ABCC9: variants seen among roughly 807,000 people sequenced by gnomAD.
ABCC9 encodes ATP-binding cassette sub-family C member 9.
Under a neutral mutation model 188.3 loss-of-function variants are expected in ABCC9, and 95 were observed. The observed-to-expected ratio is 0.50, with a 90% confidence interval of 0.43 to 0.60. The LOEUF is 0.60. Among genes scored for constraint, ABCC9 ranks in the 20% least tolerant of loss-of-function variants. ABCC9 has a pLI of 0.00. For synonymous variants in ABCC9, 659 were observed against 652.7 expected, an observed-to-expected ratio of 1.01 and a Z score of -0.15; for missense variants, 1,102 against 1,876.3, an observed-to-expected ratio of 0.59 and a Z score of 7.62.
chr12:21,856,143 A>G (rs1454199134), intron 22 of ABCC9, among the ~76,000 whole-genome samples: 1 of 152,202 alleles, frequency 6.6e-6, no homozygotes, highest in Non-Finnish European at 1.5e-5. Context: ...CCATAGCTTC[A>G]TGGTGGGGAT....
At chr12:21,805,376 A>G in intron 39 of ABCC9, 1 of 1,529,776 alleles carries the variant, frequency 6.5e-7, no homozygotes. Flanking sequence ...ACTCATTAAA[A>G]AATAGTTTTT....
rs574131342 is a variant in ABCC9 at position 21,873,887 on chromosome 12, A to T, written c.2093-1157T>A. 5.5e-4 allele frequency among the ~76,000 whole-genome samples: 84 copies of T among 152,272 alleles called. 1 individual carries two copies. The highest frequency in any genetic ancestry group is 1.5e-3 in the African/African-American group (63 of 41,578). ...TCAACTCAAAATGGATTAAAAACTTAAATGTCAGACCTGAAACTATAAAAA... is the reference window on the plus strand; with the variant it reads ...TCAACTCAAAATGGATTAAAAACTTTAATGTCAGACCTGAAACTATAAAAA... On this transcript the variant is annotated intron_variant, in intron 17 of 39. Coordinates refer to ENST00000261200, the MANE Select transcript of ABCC9 (RefSeq NM_020297.4).
At position 21,800,750 on chromosome 12, in the gene ABCC9, TAGG is replaced by T. The variant is rs759257927; in HGVS notation, c.*291_*293del. On this transcript the variant is annotated 3_prime_UTR_variant, in exon 40 of 40. Coordinates refer to ENST00000261200, the MANE Select transcript of ABCC9 (RefSeq NM_020297.4). ...GAGAGATATTTACCAGACTTAAAGT[TAGG>T]AGAAAACTTTAGCTATTGATTTATC... The T allele has an allele frequency of 2.6e-5, 10 of 383,344 alleles. No homozygotes were observed. The highest frequency in any genetic ancestry group is 3.9e-5 in the Non-Finnish European group (8 of 206,050). The allele number at this position is 383,344 out of a possible 1,614,324, so 23.7% of individuals were successfully genotyped here.
intron 17 of ABCC9, among the ~76,000 whole-genome samples, 199 bp downstream of exon 17, chr12:21,875,455 G>A (rs959023863): frequency 1.8e-4 from 28 of 152,008 alleles, no homozygotes; most frequent in South Asian, 2.1e-4. Context: ...AGGTATAGAC[G>A]CCACTGTGAA....
intron 12 of ABCC9, among the ~76,000 whole-genome samples, chr12:21,905,392 A>T (rs1418597440): frequency 2.6e-5 from 4 of 151,958 alleles, no homozygotes; most frequent in Admixed American, 6.6e-5. Flanking sequence ...GTGCACATGT[A>T]CCCTAGAACT....
At chr12:21,826,415 A>G (rs1312376772) in intron 31 of ABCC9, among the ~76,000 whole-genome samples, 2 of 152,220 alleles carry the variant, frequency 1.3e-5, no homozygotes, top group Non-Finnish European at 2.9e-5. Context: ...TTCTGTCTCC[A>G]GTGATGTGGA....
intron 22 of ABCC9, among the ~76,000 whole-genome samples, chr12:21,857,302 C>G (rs1488901064): frequency 6.6e-6 from 1 of 152,082 alleles, no homozygotes; most frequent in Non-Finnish European, 1.5e-5. Flanking sequence ...AAATACTATG[C>G]TTGCTTGGCC....
intron 30 of ABCC9, among the ~76,000 whole-genome samples, chr12:21,830,770 T>C (rs1409796968): frequency 6.6e-6 from 1 of 152,086 alleles, no homozygotes; most frequent in Non-Finnish European, 1.5e-5. Flanking sequence ...TCACATTGAG[T>C]TGAGTATCCA....
Position 21,814,520 on chromosome 12 carries a change from A to G in ABCC9, c.4102+124T>C, listed in dbSNP as rs1942472770. Reference sequence around the variant, plus strand: ...TGTTTATTTGGGATATCTGCCTTGAACCATGTGTAGAGCACAAAGTCCTTA... The same window carrying G: ...TGTTTATTTGGGATATCTGCCTTGAGCCATGTGTAGAGCACAAAGTCCTTA... On this transcript the variant is annotated intron_variant, in intron 35 of 39. Transcript: ENST00000261200. 3.8e-6 allele frequency: 3 copies of G among 797,354 alleles called. No individual in the cohort carries two copies. The South Asian group carries it at 4.3e-5, about 12-fold the overall frequency. The allele number at this position is 797,354 out of a possible 1,614,324, so 49.4% of individuals were successfully genotyped here. A position where few individuals can be genotyped will look rare whatever the true frequency, so the allele number is the denominator to read the frequency against.
At chr12:21,827,879 A>T (rs899428267) in intron 31 of ABCC9, among the ~76,000 whole-genome samples, 1 of 152,246 alleles carries the variant, frequency 6.6e-6, no homozygotes, top group African/African-American at 2.4e-5. Context: ...GTGAGAAATC[A>T]TGATAATAAA....
In ABCC9 at chr12:21,875,711, A is replaced by G; in HGVS notation, c.2035T>C (p.Phe679Leu). 1 of 1,611,778 alleles carries G rather than the reference A, an allele frequency of 6.2e-7. No individual in the cohort carries two copies. Among genetic ancestry groups the G allele is most frequent in the Non-Finnish European group, 8.5e-7 (1 of 1,177,990 alleles). Residue 679 changes from phenylalanine to leucine, a missense_variant, in exon 17 of 40, where the codon TTT (phenylalanine) becomes CTT (leucine). Phe to Leu is a conservative substitution (Grantham distance 22). Transcript: ENST00000261200. The stretch of plus-strand genomic sequence containing the variant: ...GTAGCTAAACCACTGCCCCATGAAA[A>G]GTATCCATTTGTGACCTACAAAATA... ...DIAIKVTNGY[F>L]SWGSGLATLS...
At chr12:21,814,611 G>A (rs1446474898) in intron 35 of ABCC9, 33 bp downstream of exon 35, 2 of 1,559,820 alleles carry the variant, frequency 1.3e-6, no homozygotes, top group Non-Finnish European at 1.8e-6. Flanking sequence ...AAAGCACCAA[G>A]TGGCCACTTA....
intron 28 of ABCC9, 144 bp from the exon 29 acceptor site, chr12:21,842,615 C>T: frequency 1.3e-6 from 1 of 798,322 alleles, no homozygotes; most frequent in South Asian, 1.5e-5. Context: ...AGCAATTCTT[C>T]ACTCACTTCC....
At chr12:21,905,144 C>T (rs1428384944) in intron 12 of ABCC9, among the ~76,000 whole-genome samples, 1 of 152,080 alleles carries the variant, frequency 6.6e-6, no homozygotes, top group Non-Finnish European at 1.5e-5. Flanking sequence ...AGCTGGAAAC[C>T]ATCATTCTCA....
At chr12:21,848,306 A>T in intron 24 of ABCC9, 60 bp from the exon 25 acceptor site, 1 of 1,412,950 alleles carries the variant, frequency 7.1e-7, no homozygotes. Flanking sequence ...TGACTTATCA[A>T]TGAATGACTC....
chr12:21,853,248 A>G (rs1288553671), intron 22 of ABCC9, among the ~76,000 whole-genome samples: 2 of 152,086 alleles, frequency 1.3e-5, no homozygotes, highest in East Asian at 3.9e-4. Context: ...CAGGAGGAAG[A>G]GGTTCCTGGA....
intron 17 of ABCC9, among the ~76,000 whole-genome samples, chr12:21,875,110 T>A (rs1157094536): frequency 6.6e-6 from 1 of 152,162 alleles, no homozygotes. Flanking sequence ...CAAGGAAATT[T>A]TTGGTAGCGA....
intron 6 of ABCC9, among the ~76,000 whole-genome samples, chr12:21,916,652 C>G (rs938557197): frequency 6.6e-6 from 1 of 152,128 alleles, no homozygotes; most frequent in Non-Finnish European, 1.5e-5. Context: ...TGAACTTTCT[C>G]CTAAAAACAA....
At chr12:21,805,160 T>C in intron 39 of ABCC9, 1 of 1,613,904 alleles carries the variant, frequency 6.2e-7, no homozygotes, top group Non-Finnish European at 8.5e-7. Flanking sequence ...CTTGGTGCAA[T>C]AGATCATGAT....
Sources: gnomAD v4.1 joint callset for allele counts (sites outside exome capture counted in the v4.1 genomes callset) on GRCh38, gnomAD v4.1.1 for gene constraint, MANE v1.5 for transcripts, NCBI Gene and HGNC (gene_info 2026-07-23, HGNC 2026-07-21) for gene names.